The following SOX5 variants were observed in gnomAD, a reference collection of about 807,000 sequenced individuals.
SOX5 encodes the protein SRY-box transcription factor 5.
A neutral mutation model predicts 92.0 loss-of-function variants in SOX5; 9 were observed. That is an observed-to-expected ratio of 0.10 (90% confidence interval 0.06 to 0.17). The LOEUF (loss-of-function observed/expected upper bound fraction) is 0.17, where lower values mean the gene tolerates loss of function less well. SOX5 is among the 10% of genes least tolerant of loss of function. SOX5 has a pLI of 1.00. For synonymous variants in SOX5, 344 were observed against 336.3 expected (o/e 1.02, Z -0.25); for missense variants, 642 against 944.5 (o/e 0.68, Z 4.20).
intron 13 of SOX5, among the ~76,000 whole-genome samples, chr12:23,540,037 C>G (rs551412700): frequency 3.3e-5 from 5 of 150,892 alleles, no homozygotes; most frequent in Non-Finnish European, 5.9e-5. Context: ...GAGGTGTTAA[C>G]TAACCCCTGA....
intron 4 of SOX5, among the ~76,000 whole-genome samples, chr12:23,987,804 C>G (rs1950198834): frequency 6.6e-6 from 1 of 152,062 alleles, no homozygotes. Flanking sequence ...AAAACAAAAA[C>G]ATCATGGAGG....
intron 4 of SOX5, among the ~76,000 whole-genome samples, chr12:23,979,874 T>C (rs1381273155): frequency 2.2e-5 from 1 of 45,406 alleles, no homozygotes; most frequent in Non-Finnish European, 4.8e-5. Flanking sequence ...CATGCTACCA[T>C]GCCTGGCTGG....
intron 3 of SOX5, among the ~76,000 whole-genome samples, chr12:23,795,269 A>C (rs573333387): frequency 3.4e-5 from 5 of 148,398 alleles, no homozygotes; most frequent in East Asian, 1.9e-4. Context: ...TTTACCATTG[A>C]CTTTTTTTTT....
At chr12:24,374,704 T>C (rs1015476122) in intron 1 of SOX5, among the ~76,000 whole-genome samples, 3 of 151,954 alleles carry the variant, frequency 2.0e-5, no homozygotes, top group African/African-American at 7.3e-5. Context: ...CCCCTCAGGG[T>C]AGAGACCAGA....
At chr12:23,622,649 T>G (rs1250915218) in intron 8 of SOX5, among the ~76,000 whole-genome samples, 1 of 152,158 alleles carries the variant, frequency 6.6e-6, no homozygotes, top group Non-Finnish European at 1.5e-5. Flanking sequence ...CATTAAAATA[T>G]ATCAACACTG....
chr12:23,872,229 G>T (rs1231344159), intron 2 of SOX5, among the ~76,000 whole-genome samples: 1 of 138,614 alleles, frequency 7.2e-6, no homozygotes. Context: ...AGCCAGGATG[G>T]TCTCGATCTC....
intron 2 of SOX5, among the ~76,000 whole-genome samples, chr12:24,295,551 T>C (rs1401180510): frequency 6.6e-6 from 1 of 152,182 alleles, no homozygotes; most frequent in African/African-American, 2.4e-5. Context: ...AAACTGTTTT[T>C]TTGAAGTTCT....
chr12:24,385,531 A>C (rs1408345867), intron 1 of SOX5, among the ~76,000 whole-genome samples: 1 of 152,218 alleles, frequency 6.6e-6, no homozygotes, highest in African/African-American at 2.4e-5. Flanking sequence ...AGAGAAATAA[A>C]TGTTAGCAAC....
intron 3 of SOX5, among the ~76,000 whole-genome samples, chr12:23,841,787 G>A (rs1217270747): frequency 6.6e-6 from 1 of 152,024 alleles, no homozygotes; most frequent in Non-Finnish European, 1.5e-5. Context: ...GGATTCTAGG[G>A]AAAAAAGCGG....
At chr12:24,220,862 A>C (rs959123918) in intron 3 of SOX5, among the ~76,000 whole-genome samples, 1 of 152,236 alleles carries the variant, frequency 6.6e-6, no homozygotes, top group African/African-American at 2.4e-5. Flanking sequence ...TTGGATTTAT[A>C]TCACATTTTA....
At chr12:23,623,446 G>T (rs189485483) in intron 8 of SOX5, among the ~76,000 whole-genome samples, 8 of 152,196 alleles carry the variant, frequency 5.3e-5, no homozygotes, top group Admixed American at 2.6e-4. Context: ...ATTATAAGAT[G>T]TAGCCCAGCC....
chr12:23,583,864 G>C (rs2136952668), intron 9 of SOX5, among the ~76,000 whole-genome samples: 1 of 152,178 alleles, frequency 6.6e-6, no homozygotes, highest in Middle Eastern at 3.4e-3. Flanking sequence ...TTGCTTTCCT[G>C]TTAGTTCCAC....
At chr12:23,981,479 C>T (rs1949559758) in intron 4 of SOX5, among the ~76,000 whole-genome samples, 1 of 152,152 alleles carries the variant, frequency 6.6e-6, no homozygotes, top group African/African-American at 2.4e-5. Flanking sequence ...GGATCATGTA[C>T]TCTTTAAGAA....
intron 4 of SOX5, among the ~76,000 whole-genome samples, chr12:23,755,279 T>C (rs2094328028): frequency 6.6e-6 from 1 of 151,792 alleles, no homozygotes; most frequent in African/African-American, 2.4e-5. Flanking sequence ...ATATGTACAA[T>C]GTACAAAATC....
chr12:23,760,765 G>A (rs1185348732), intron 3 of SOX5, among the ~76,000 whole-genome samples: 1 of 152,066 alleles, frequency 6.6e-6, no homozygotes, highest in Admixed American at 6.6e-5. Context: ...AGAGACTCAT[G>A]CCAACATATT....
intron 1 of SOX5, among the ~76,000 whole-genome samples, chr12:23,913,104 A>G (rs768156164): frequency 1.3e-5 from 2 of 152,194 alleles, no homozygotes; most frequent in African/African-American, 4.8e-5. Context: ...ATAAAGCCTC[A>G]CAGTTAGAAA....
chr12:24,290,242 GTATT>G (rs1478932212), intron 2 of SOX5, among the ~76,000 whole-genome samples: 1 of 152,168 alleles, frequency 6.6e-6, no homozygotes, highest in Non-Finnish European at 1.5e-5. Flanking sequence ...AAGGCTAAAA[GTATT>G]TATTTTGATA....
chr12:24,229,241 T>C (rs1215635538), intron 3 of SOX5, among the ~76,000 whole-genome samples: 1 of 152,186 alleles, frequency 6.6e-6, no homozygotes, highest in Admixed American at 6.5e-5. Context: ...AACAACCTAA[T>C]AGCTTAGCAT....
At position 24,289,610 on chromosome 12, in the gene SOX5, C is replaced by T. The variant is rs1323004415; in HGVS notation, c.-173-12298G>A. On this transcript the variant is annotated intron_variant, in intron 2 of 4. Coordinates refer to the SOX5 transcript ENST00000446891. ...CTGGGACTACAGGCGCCCGCCACTA[C>T]GCCCGGCTAATTTTTTTGTATTTTT... 2.1e-5 allele frequency among the ~76,000 whole-genome samples: 3 copies of T among 140,814 alleles called. 1 individual carries two copies. Among genetic ancestry groups the T allele is most frequent in the South Asian group, 4.4e-4 (2 of 4,520 alleles). 92.4% of individuals were successfully genotyped at this position (140,814 alleles called of 152,430 possible).
Sources: allele counts gnomAD v4.1 joint callset (sites outside exome capture counted in the v4.1 genomes callset), GRCh38; gene constraint gnomAD v4.1.1; transcripts MANE v1.5; gene names NCBI Gene and HGNC (gene_info 2026-07-23, HGNC 2026-07-21).